MYLK: variants seen among roughly 807,000 people sequenced by gnomAD.
MYLK encodes the protein myosin light chain kinase, also known as myosin light chain kinase, smooth muscle.
Under a neutral mutation model 203.4 loss-of-function variants are expected in MYLK, and 106 were observed. The observed-to-expected ratio is 0.52, with a 90% CI of 0.45 to 0.61. The LOEUF (loss-of-function observed/expected upper bound fraction) is 0.61. Among genes scored for constraint, MYLK ranks in the 20% least tolerant of loss-of-function variants. The pLI, the probability that MYLK is intolerant of heterozygous loss-of-function variation, is 0.00. For missense variants in MYLK, 2,072 were observed against 2,442.3 expected (o/e 0.85, Z 3.20); for synonymous variants, 867 against 959.5 (o/e 0.90, Z 1.78).
At chr3:123,808,177 T>C (rs1273437895) in intron 3 of MYLK, among the ~76,000 whole-genome samples, 1 of 152,196 alleles carries the variant, frequency 6.6e-6, no homozygotes, top group Non-Finnish European at 1.5e-5. Flanking sequence ...CTGTTTCTGC[T>C]AGTTCCACTT....
intron 24 of MYLK, among the ~76,000 whole-genome samples, chr3:123,651,205 C>T (rs2059201332): frequency 6.6e-6 from 1 of 152,176 alleles, no homozygotes; most frequent in Non-Finnish European, 1.5e-5. Context: ...TCAGACTTTT[C>T]ATCAACTCAT....
At chr3:123,760,740 C>A (rs1005624070) in intron 4 of MYLK, among the ~76,000 whole-genome samples, 5 of 152,188 alleles carry the variant, frequency 3.3e-5, no homozygotes, top group African/African-American at 1.2e-4. Flanking sequence ...CAAGGCATCA[C>A]ACTCTTAACT....
At chr3:123,783,772 A>G (rs889176693) in intron 4 of MYLK, among the ~76,000 whole-genome samples, 8 of 152,196 alleles carry the variant, frequency 5.3e-5, no homozygotes, top group Non-Finnish European at 1.2e-4. Flanking sequence ...AACCCTTGAC[A>G]TAATCTTTTT....
chr3:123,768,807 C>G (rs1183289068), intron 4 of MYLK, among the ~76,000 whole-genome samples: 2 of 152,216 alleles, frequency 1.3e-5, no homozygotes, highest in African/African-American at 2.4e-5. Flanking sequence ...TCACCATACA[C>G]TGTCTGGTGA....
chr3:123,679,272 A>T lies in MYLK; in HGVS notation c.3652+2952T>A, dbSNP rs556731502. Among the ~76,000 whole-genome samples, 272 of 146,658 alleles carry T rather than the reference A, an allele frequency of 1.9e-3. 1 individual carries two copies. Among genetic ancestry groups the T allele is most frequent in the African/African-American group, 6.8e-3 (267 of 39,484 alleles). On this transcript the variant is annotated intron_variant, in intron 20 of 33. Transcript: ENST00000360304. ...TAGTGAGCGGAGATCGCGCCACTGCACTCCAGCCTGGTGACAGAGCGAGAC... is the reference window on the plus strand; with the variant it reads ...TAGTGAGCGGAGATCGCGCCACTGCTCTCCAGCCTGGTGACAGAGCGAGAC...
At position 123,700,096 on chromosome 3, in the gene MYLK, G is replaced by C; in HGVS notation, c.3372C>G (p.Asp1124Glu). 1 of 1,613,938 alleles carries C rather than the reference G, an allele frequency of 6.2e-7. No individual in the cohort carries two copies. Among genetic ancestry groups the C allele is most frequent in the Non-Finnish European group, 8.5e-7 (1 of 1,179,986 alleles). ...GCGTCCAGATGATGGTGGCTGGGGG[G>C]TCAGAAGACACCTGGCACTGGAGCA... ...KLLLQCQVSSDPPATIIWTLN... is the reference protein window; with the variant it reads ...KLLLQCQVSSEPPATIIWTLN... The change falls in exon 18 of 34, where the codon GAC becomes GAG. Residue 1124 changes from aspartate to glutamate, a missense_variant. This residue lies in a region of MYLK where 865 missense variants were observed against 1,016.0 expected (regional missense o/e 0.85). Coordinates refer to ENST00000360304, the MANE Select transcript of MYLK (RefSeq NM_053025.4).
Position 123,708,740 on chromosome 3 carries a change from T to C in MYLK, c.2098A>G (p.Ser700Gly). The C allele has an allele frequency of 1.9e-6, 3 of 1,614,124 alleles. No homozygotes were observed. The highest frequency in any genetic ancestry group is 1.1e-5 in the South Asian group (1 of 91,084). ...GCCTGGGTGCGGACCTCTCCAGCGC[T>C]GTTCCAGGCCTCGCAGGTGTACGTG... ...TGTYTCEAWN[S>G]AGEVRTQAVL... The change falls in exon 15 of 34, where the codon AGC (serine) becomes GGC (glycine). Residue 700 changes from serine to glycine, a missense_variant. Transcript: ENST00000360304.
intron 20 of MYLK, among the ~76,000 whole-genome samples, chr3:123,674,712 T>G (rs1442299082): frequency 1.3e-5 from 2 of 152,256 alleles, no homozygotes; most frequent in African/African-American, 4.8e-5. Context: ...ATGGAATGTC[T>G]TTCAGTTTCT....
At chr3:123,840,617 G>A (rs1037226891) in intron 2 of MYLK, among the ~76,000 whole-genome samples, 2 of 151,286 alleles carry the variant, frequency 1.3e-5, no homozygotes, top group African/African-American at 4.9e-5. Context: ...AAAAAACCAT[G>A]GAACAATATT....
rs112381393 is a variant in MYLK at position 123,682,479 on chromosome 3, T to C, written c.3566-169A>G. 2.0e-3 allele frequency among the ~76,000 whole-genome samples: 312 copies of C among 152,318 alleles called. 1 individual carries two copies. The highest frequency in any genetic ancestry group is 7.0e-3 in the African/African-American group (292 of 41,580). On this transcript the variant is annotated intron_variant, in intron 19 of 33. Transcript: ENST00000360304. ...TCCAGGCAACCTATTTCACTCTCCA[T>C]GAGAGCATCAAAGAAGGACCGTCCA...
At chr3:123,833,395 A>T (rs2066395602) in intron 2 of MYLK, among the ~76,000 whole-genome samples, 2 of 152,082 alleles carry the variant, frequency 1.3e-5, no homozygotes, top group Non-Finnish European at 2.9e-5. Flanking sequence ...ATTGCTTCTT[A>T]GTTCCTTAAC....
At chr3:123,833,063 G>A (rs1448551989) in intron 2 of MYLK, among the ~76,000 whole-genome samples, 1 of 152,064 alleles carries the variant, frequency 6.6e-6, no homozygotes, top group Non-Finnish European at 1.5e-5. Context: ...GGCAGGATGA[G>A]GTGGAATTCC....
At chr3:123,878,779 T>C (rs942431644) in intron 1 of MYLK, among the ~76,000 whole-genome samples, 1 of 152,124 alleles carries the variant, frequency 6.6e-6, no homozygotes, top group African/African-American at 2.4e-5. Flanking sequence ...CCTCTGCTCC[T>C]GGGTTCAAGT....
chr3:123,737,549 G>A lies in MYLK; in HGVS notation c.589-6C>T. 6.2e-7 allele frequency: 1 copy of A among 1,614,084 alleles called. No homozygotes were observed. Among genetic ancestry groups the A allele is most frequent in the East Asian group, 2.2e-5 (1 of 44,866 alleles). On this transcript the variant is annotated splice_region_variant and splice_polypyrimidine_tract_variant and intron_variant, in intron 7 of 33. Transcript: ENST00000360304. Reference sequence around the variant, plus strand: ...GGCTGCAGTGGAACATTTCCCTGTGGATGGCAATGGGGTAACTTGGTCATA... The same window carrying A: ...GGCTGCAGTGGAACATTTCCCTGTGAATGGCAATGGGGTAACTTGGTCATA...
At chr3:123,811,659 G>C (rs907686787) in intron 3 of MYLK, among the ~76,000 whole-genome samples, 2 of 152,194 alleles carry the variant, frequency 1.3e-5, no homozygotes, top group East Asian at 3.9e-4. Context: ...AGTGTTAGAT[G>C]CTCTCTCTCG....
chr3:123,616,579 T>C (rs2057507719), intron 33 of MYLK: 1 of 152,166 alleles, frequency 6.6e-6, no homozygotes, highest in Non-Finnish European at 1.5e-5. Context: ...GGTTTGGATA[T>C]TTGTGCCCCT....
chr3:123,661,729 G>A (rs985622658), intron 23 of MYLK, among the ~76,000 whole-genome samples: 1 of 152,212 alleles, frequency 6.6e-6, no homozygotes, highest in Non-Finnish European at 1.5e-5. Flanking sequence ...GAGAGGAACA[G>A]AGCAAGAGAG....
chr3:123,755,346 C>T (rs930208293), intron 4 of MYLK, among the ~76,000 whole-genome samples: 3 of 152,340 alleles, frequency 2.0e-5, no homozygotes, highest in South Asian at 2.1e-4. Flanking sequence ...CTCAGGGACA[C>T]AATCCTTCTG....
At chr3:123,879,138 CAA>C (rs778679517) in intron 1 of MYLK, among the ~76,000 whole-genome samples, 8 of 152,192 alleles carry the variant, frequency 5.3e-5, no homozygotes, top group Non-Finnish European at 1.0e-4. Flanking sequence ...CCCAGAAACC[CAA>C]AAGTCTTCTA....
Sources: gnomAD v4.1 joint callset for allele counts (sites outside exome capture counted in the v4.1 genomes callset) on GRCh38, gnomAD v4.1.1 for gene constraint, gnomAD v4.1.1 regional missense constraint, MANE v1.5 for transcripts, NCBI Gene and HGNC (gene_info 2026-07-23, HGNC 2026-07-21) for gene names.